EIF5A2: variants seen among roughly 807,000 people sequenced by gnomAD.
EIF5A2 encodes eukaryotic translation initiation factor 5A2.
EIF5A2 carries 15 observed loss-of-function variants against 16.4 expected under a neutral mutation model. The ratio of observed to expected loss-of-function variants is 0.92; its 90% CI spans 0.61 to 1.41. The LOEUF (loss-of-function observed/expected upper bound fraction) is 1.41, where lower values mean the gene tolerates loss of function less well. Ranked by LOEUF, EIF5A2 falls within the 40% of genes most tolerant of loss-of-function variation. The probability of loss-of-function intolerance (pLI) is 0.00; values close to 1 mark genes in which losing one functional copy is unlikely to be tolerated. For missense variants in EIF5A2, 144 were observed against 189.5 expected (o/e 0.76, Z 1.41); for synonymous variants, 48 against 61.1 (o/e 0.79, Z 1.00).
chr3:170,891,416 C>T lies in EIF5A2; in HGVS notation c.*1944G>A, dbSNP rs1712532227. ...TGTAGGAAAGACGACTAACTACTACCTCACTATTTCTTGTGCTTTAGAAAT... is the reference window on the plus strand; with the variant it reads ...TGTAGGAAAGACGACTAACTACTACTTCACTATTTCTTGTGCTTTAGAAAT... On this transcript the variant is annotated 3_prime_UTR_variant, in exon 5 of 5. Coordinates refer to ENST00000295822, the MANE Select transcript of EIF5A2 (RefSeq NM_020390.6). The T allele has an allele frequency of 6.6e-6, 1 of 152,564 alleles. No homozygotes were observed. Among genetic ancestry groups the T allele is most frequent in the Admixed American group, 6.5e-5 (1 of 15,276 alleles). 9.5% of individuals were successfully genotyped at this position (152,564 alleles called of 1,614,324 possible).
In EIF5A2 at chr3:170,907,098, CA is replaced by C; in HGVS notation, c.166-6del. On this transcript the variant is annotated splice_polypyrimidine_tract_variant and splice_region_variant and intron_variant, in intron 2 of 4. Coordinates refer to ENST00000295822, the MANE Select transcript of EIF5A2 (RefSeq NM_020390.6). ...ATCAATTCCAACAAGGTGAACCTAA[CA>C]GAGGAGAACAGGAAACCTGTTTAAT... 1 of 1,595,422 alleles carries C rather than the reference CA, an allele frequency of 6.3e-7. No homozygotes were observed. The highest frequency in any genetic ancestry group is 1.1e-5 in the South Asian group (1 of 89,576).
rs1041008156 is a variant in EIF5A2 at position 170,893,059 on chromosome 3, G to C, written c.*301C>G. On this transcript the variant is annotated 3_prime_UTR_variant, in exon 5 of 5. Coordinates refer to ENST00000295822, the MANE Select transcript of EIF5A2 (RefSeq NM_020390.6). ...GGTTTATCATCTAACTAAAACACAGGAATGATTTGCTCAGACAAATCACAT... is the reference window on the plus strand; with the variant it reads ...GGTTTATCATCTAACTAAAACACAGCAATGATTTGCTCAGACAAATCACAT... 7.0e-6 allele frequency: 3 copies of C among 427,424 alleles called. No individual in the cohort carries two copies. The highest frequency in any genetic ancestry group is 1.2e-5 in the Non-Finnish European group (3 of 244,142). The allele number at this position is 427,424 out of a possible 1,614,324, so 26.5% of individuals were successfully genotyped here. A position where few individuals can be genotyped will look rare whatever the true frequency, so the allele number is the denominator to read the frequency against.
intron 2 of EIF5A2, 25 bp from the exon 3 acceptor site, chr3:170,907,118 G>A: frequency 6.6e-7 from 1 of 1,508,126 alleles, no homozygotes; most frequent in Non-Finnish European, 9.2e-7. Flanking sequence ...CAGGAAACCT[G>A]TTTAATCTCT....
At chr3:170,894,269 A>C (rs1223882743) in intron 4 of EIF5A2, 23 bp downstream of exon 4, 6 of 1,606,434 alleles carry the variant, frequency 3.7e-6, no homozygotes, top group Non-Finnish European at 5.1e-6. Flanking sequence ...GTTTTCAAAA[A>C]TAATCCTTCT....
At chr3:170,894,671 G>C (rs1313723898) in intron 3 of EIF5A2, among the ~76,000 whole-genome samples, 1 of 151,468 alleles carries the variant, frequency 6.6e-6, no homozygotes, top group Non-Finnish European at 1.5e-5. Flanking sequence ...TTTCTTTATA[G>C]TGTATTCCAT....
intron 3 of EIF5A2, among the ~76,000 whole-genome samples, chr3:170,903,790 T>C (rs9860153): frequency 0.11 from 17,391 of 152,262 alleles, 1,486 homozygotes; most frequent in African/African-American, 0.22. Flanking sequence ...CTTATTTGAA[T>C]TCAATTAACA....
rs1021632153 is a variant in EIF5A2, at chr3:170,905,311, A to T, written c.270+1678T>A. On this transcript the variant is annotated intron_variant, in intron 3 of 4. Coordinates refer to ENST00000295822, the MANE Select transcript of EIF5A2 (RefSeq NM_020390.6). ...GAGCCTCCCTCACTTCATTTGCCTC[A>T]TCCTAGTCTAGGACCCAAACCAAAT... Among the ~76,000 whole-genome samples, 4 of 152,154 alleles carry T rather than the reference A, an allele frequency of 2.6e-5. No individual in the cohort carries two copies. In the South Asian group the frequency reaches 8.3e-4, roughly 31 times the overall value.
intron 3 of EIF5A2, among the ~76,000 whole-genome samples, chr3:170,904,460 C>A (rs1263457998): frequency 6.6e-6 from 1 of 152,076 alleles, no homozygotes; most frequent in East Asian, 1.9e-4. Flanking sequence ...TAAGTGAAGA[C>A]CACCATAGCA....
chr3:170,890,662 T>C lies in EIF5A2; in HGVS notation c.*2698A>G, dbSNP rs1353438330. ...TCAACCTGTTAATAAATTGGTGAAA[T>C]GTATACAGATAAAAATGGCTTATCA... On this transcript the variant is annotated 3_prime_UTR_variant, in exon 5 of 5. Coordinates refer to ENST00000295822, the MANE Select transcript of EIF5A2 (RefSeq NM_020390.6). The C allele has an allele frequency of 6.6e-6, 1 of 152,564 alleles. No homozygotes were observed. Among genetic ancestry groups the C allele is most frequent in the Non-Finnish European group, 1.5e-5 (1 of 67,984 alleles). The allele number at this position is 152,564 out of a possible 1,614,324, so 9.5% of individuals were successfully genotyped here. A position where few individuals can be genotyped will look rare whatever the true frequency, so the allele number is the denominator to read the frequency against.
In EIF5A2 at chr3:170,892,498, T is replaced by C. The variant is rs1434479327; in HGVS notation, c.*862A>G. 3.3e-6 allele frequency: 1 copy of C among 302,802 alleles called. No individual in the cohort carries two copies. Among genetic ancestry groups the C allele is most frequent in the Non-Finnish European group, 6.0e-6 (1 of 167,126 alleles). 18.8% of individuals were successfully genotyped at this position (302,802 alleles called of 1,614,324 possible). A position where few individuals can be genotyped will look rare whatever the true frequency, so the allele number is the denominator to read the frequency against. On this transcript the variant is annotated 3_prime_UTR_variant, in exon 5 of 5. Transcript: ENST00000295822. ...GATAAATATTACTATTTATTCAACATAGTTGGAAAACAAGCATTGCATAGT... is the reference window on the plus strand; with the variant it reads ...GATAAATATTACTATTTATTCAACACAGTTGGAAAACAAGCATTGCATAGT...
Position 170,890,853 on chromosome 3 carries a change from C to T in EIF5A2, c.*2507G>A, listed in dbSNP as rs759930079. On this transcript the variant is annotated 3_prime_UTR_variant, in exon 5 of 5. Transcript: ENST00000295822. ...GTTCTATGTTAAAAAATACATGTTCCCCGCTTCCTTTTAATATAATTTATA... is the reference window on the plus strand; with the variant it reads ...GTTCTATGTTAAAAAATACATGTTCTCCGCTTCCTTTTAATATAATTTATA... 5 of 152,462 alleles carry T rather than the reference C, an allele frequency of 3.3e-5. No individual in the cohort carries two copies. Among genetic ancestry groups the T allele is most frequent in the African/African-American group, 7.2e-5 (3 of 41,404 alleles). The allele number at this position is 152,462 out of a possible 1,614,324, so 9.4% of individuals were successfully genotyped here. A position where few individuals can be genotyped will look rare whatever the true frequency, so the allele number is the denominator to read the frequency against.
chr3:170,907,822 T>C lies in EIF5A2; in HGVS notation c.-16A>G. ...CGTCTGCCATGGTGGGCAGGGGAGA[T>C]GGTAGTTTTTCCGTGGGAACTACAC... On this transcript the variant is annotated 5_prime_UTR_variant, in exon 2 of 5. Coordinates refer to ENST00000295822, the MANE Select transcript of EIF5A2 (RefSeq NM_020390.6). 2.0e-6 allele frequency: 3 copies of C among 1,522,736 alleles called. No individual in the cohort carries two copies. The highest frequency in any genetic ancestry group is 2.5e-5 in the South Asian group (2 of 80,114). 94.3% of individuals were successfully genotyped at this position (1,522,736 alleles called of 1,614,324 possible).
intron 3 of EIF5A2, among the ~76,000 whole-genome samples, chr3:170,900,999 G>A (rs1274633277): frequency 6.6e-6 from 1 of 152,206 alleles, no homozygotes; most frequent in Non-Finnish European, 1.5e-5. Context: ...GAACATTATG[G>A]AGTAGTCCTG....
In EIF5A2 at chr3:170,907,834, C is replaced by G. The variant is rs1712980829; in HGVS notation, c.-28G>C. On this transcript the variant is annotated 5_prime_UTR_variant, in exon 2 of 5. Transcript: ENST00000295822. ...TGGGCAGGGGAGATGGTAGTTTTTC[C>G]GTGGGAACTACACAAAAAGTTTGTG... is the stretch of plus-strand genomic sequence containing the variant. 6.6e-7 allele frequency: 1 copy of G among 1,506,862 alleles called. No individual in the cohort carries two copies. The highest frequency in any genetic ancestry group is 9.0e-7 in the Non-Finnish European group (1 of 1,115,066). 93.3% of individuals were successfully genotyped at this position (1,506,862 alleles called of 1,614,324 possible).
intron 3 of EIF5A2, among the ~76,000 whole-genome samples, chr3:170,902,502 C>A (rs1712842352): frequency 7.0e-6 from 1 of 143,516 alleles, no homozygotes; most frequent in South Asian, 2.3e-4. Context: ...CTCCCAGGTT[C>A]AATCGATTCT....
chr3:170,904,262 A>G (rs543250337), intron 3 of EIF5A2, among the ~76,000 whole-genome samples: 1 of 152,262 alleles, frequency 6.6e-6, no homozygotes, highest in Non-Finnish European at 1.5e-5. Context: ...TTTAAAACAC[A>G]TAAAATTAAA....
At chr3:170,903,338 C>G (rs558681606) in intron 3 of EIF5A2, among the ~76,000 whole-genome samples, 1 of 152,280 alleles carries the variant, frequency 6.6e-6, no homozygotes, top group South Asian at 2.1e-4. Context: ...GCTCACGTAC[C>G]CTATCATTCC....
At chr3:170,895,058 A>C (rs1441645002) in intron 3 of EIF5A2, among the ~76,000 whole-genome samples, 1 of 150,536 alleles carries the variant, frequency 6.6e-6, no homozygotes, top group African/African-American at 2.4e-5. Context: ...GAGATATTAT[A>C]AGTACTTTAC....
At chr3:170,900,145 C>T (rs1305602287) in intron 3 of EIF5A2, among the ~76,000 whole-genome samples, 4 of 151,774 alleles carry the variant, frequency 2.6e-5, no homozygotes, top group South Asian at 4.2e-4. Context: ...CCAAGGCAGG[C>T]GGATCATTTG....
Sources: allele counts gnomAD v4.1 joint callset (sites outside exome capture counted in the v4.1 genomes callset), GRCh38; gene constraint gnomAD v4.1.1; transcripts MANE v1.5; gene names NCBI Gene and HGNC (gene_info 2026-07-23, HGNC 2026-07-21).